The following ZNF615 variants were observed in gnomAD, a reference collection of about 807,000 sequenced individuals.
The protein encoded by ZNF615 is zinc finger protein 615.
In ZNF615, 15 loss-of-function variants were observed where a neutral mutation model predicts 15.3. The ratio of observed to expected loss-of-function variants is 0.98; its 90% CI spans 0.66 to 1.51. ZNF615 has a LOEUF of 1.51. ZNF615 is among the 40% of genes most tolerant of loss of function. ZNF615 has a pLI of 0.00. For synonymous variants in ZNF615, 268 were observed against 294.6 expected, an observed-to-expected ratio of 0.91 and a Z score of 0.92; for missense variants, 848 against 895.9, an observed-to-expected ratio of 0.95 and a Z score of 0.68.
In ZNF615 at chr19:51,993,558, A is replaced by G. The variant is rs368537377; in HGVS notation, c.1551T>C (p.His517=). ...CACATACATAGGGTTTTTCTCCAGTATGAGTTCGCTGATGCACAATAAGGC... is the reference window on the plus strand; with the variant it reads ...CACATACATAGGGTTTTTCTCCAGTGTGAGTTCGCTGATGCACAATAAGGC... ...KSRLIVHQRT[H]TGEKPYVCGE... The change falls in exon 7 of 7, where the codon CAT becomes CAC. Residue 517 remains histidine (H), a synonymous_variant. Coordinates refer to ENST00000598071, the MANE Select transcript of ZNF615 (RefSeq NM_001199324.2). 1 of 1,614,010 alleles carries G rather than the reference A, an allele frequency of 6.2e-7. No individual in the cohort carries two copies.
At position 51,993,393 on chromosome 19, in the gene ZNF615, A is replaced by G. The variant is rs905158019; in HGVS notation, c.1716T>C (p.Thr572=). 3 of 1,613,446 alleles carry G rather than the reference A, an allele frequency of 1.9e-6. No individual in the cohort carries two copies. Among genetic ancestry groups the G allele is most frequent in the Non-Finnish European group, 2.5e-6 (3 of 1,179,912 alleles). The change falls in exon 7 of 7, where the codon ACT becomes ACC. Residue 572 remains threonine, a synonymous_variant. Transcript: ENST00000598071. ...ATACATAGGGTTTCTCTCCTGTATG[A>G]GTGCGCCGATGTACATTGAGATGAC... ...EKSHLNVHRR[T]HTGEKPYVCS... is the part of the protein sequence containing the mutation.
rs1568500089 is a variant in ZNF615 at position 51,996,396 on chromosome 19, A to AC, written c.272-1560_272-1559insG. ...GCAAGACTCTGTCTCAAAAAAAAAA[A>AC]AAAAAAAAAAAACGCAAAACTATAT... On this transcript the variant is annotated intron_variant, in intron 6 of 6. Transcript: ENST00000598071. Among the ~76,000 whole-genome samples, 9 of 146,348 alleles carry AC rather than the reference A, an allele frequency of 6.1e-5. 1 individual carries two copies. The highest frequency in any genetic ancestry group is 1.2e-4 in the Non-Finnish European group (8 of 67,162).
intron 6 of ZNF615, among the ~76,000 whole-genome samples, chr19:51,997,699 C>G (rs2086481836): frequency 6.6e-6 from 1 of 152,122 alleles, no homozygotes; most frequent in African/African-American, 2.4e-5. Flanking sequence ...ATGCCTGAGG[C>G]CTTGGGTCAT....
At chr19:51,998,292 T>C (rs1013106721) in intron 6 of ZNF615, among the ~76,000 whole-genome samples, 1 of 152,156 alleles carries the variant, frequency 6.6e-6, no homozygotes, top group African/African-American at 2.4e-5. Context: ...TCAAGCTTCC[T>C]AGAAGTTCCT....
At position 51,993,426 on chromosome 19, in the gene ZNF615, A is replaced by C. The variant is rs762357823; in HGVS notation, c.1683T>G (p.Thr561=). The part of the protein sequence containing the change: ...YICNECGKGF[T]EKSHLNVHRR... ...GATGTACATTGAGATGACTCTTCTC[A>C]GTGAAGCCTTTTCCACACTCATTGC... is the stretch of plus-strand genomic sequence containing the variant. The change falls in exon 7 of 7, where the codon ACT becomes ACG. Residue 561 remains threonine (T), a synonymous_variant. Coordinates refer to ENST00000598071, the MANE Select transcript of ZNF615 (RefSeq NM_001199324.2). 4 of 1,613,932 alleles carry C rather than the reference A, an allele frequency of 2.5e-6. No homozygotes were observed. The East Asian group carries it at 8.9e-5, about 36-fold the overall frequency.
intron 4 of ZNF615, 36 bp downstream of exon 4, chr19:52,002,119 G>A (rs1460471249): frequency 6.2e-7 from 1 of 1,614,006 alleles, no homozygotes; most frequent in Non-Finnish European, 8.5e-7. Context: ...CCACTGACTG[G>A]GCACCCTCTG....
chr19:51,996,199 G>A (rs2086421729), intron 6 of ZNF615, among the ~76,000 whole-genome samples: 1 of 151,914 alleles, frequency 6.6e-6, no homozygotes, highest in African/African-American at 2.4e-5. Flanking sequence ...AGACCAGCCT[G>A]GCCAACATAG....
chr19:51,996,177 G>C (rs778432977), intron 6 of ZNF615, among the ~76,000 whole-genome samples: 25 of 151,960 alleles, frequency 1.6e-4, no homozygotes, highest in Non-Finnish European at 3.4e-4. Flanking sequence ...ATCACATGAG[G>C]CCAGGAGTTC....
Position 51,991,976 on chromosome 19 carries a change from CATCTT to C in ZNF615, c.*899_*903del, listed in dbSNP as rs2086246755. ...ATTTCAAAATAAAAACTTACAAAAA[CATCTT>C]ATTTATATTAATTTCATAACACCTG... On this transcript the variant is annotated 3_prime_UTR_variant, in exon 7 of 7. Transcript: ENST00000598071. 6.6e-6 allele frequency: 1 copy of C among 152,086 alleles called. No homozygotes were observed. The highest frequency in any genetic ancestry group is 1.5e-5 in the Non-Finnish European group (1 of 68,018). The allele number at this position is 152,086 out of a possible 1,614,324, so 9.4% of individuals were successfully genotyped here. A position where few individuals can be genotyped will look rare whatever the true frequency, so the allele number is the denominator to read the frequency against.
intron 2 of ZNF615, among the ~76,000 whole-genome samples, chr19:52,005,769 T>C (rs182823180): frequency 1.2e-3 from 179 of 152,344 alleles, no homozygotes; most frequent in Admixed American, 3.1e-3. Flanking sequence ...CACATTACAA[T>C]GGCAGAGTTG....
At position 51,993,401 on chromosome 19, in the gene ZNF615, G is replaced by A. The variant is rs972573339; in HGVS notation, c.1708C>T (p.Arg570Trp). Reference protein sequence around the residue: ...FTEKSHLNVHRRTHTGEKPYV... With the variant: ...FTEKSHLNVHWRTHTGEKPYV... ...GGTTTCTCTCCTGTATGAGTGCGCC[G>A]ATGTACATTGAGATGACTCTTCTCA... The change falls in exon 7 of 7, where the codon CGG (arginine) becomes TGG (tryptophan). Residue 570 changes from arginine to tryptophan, a missense_variant. By Grantham distance (101) the Arg-to-Trp change is moderately radical. Transcript: ENST00000598071. The A allele has an allele frequency of 2.0e-5, 33 of 1,613,900 alleles. No homozygotes were observed. The highest frequency in any genetic ancestry group is 8.9e-5 in the East Asian group (4 of 44,886).
chr19:52,002,233 A>C lies in ZNF615; in HGVS notation c.64T>G (p.Trp22Gly), dbSNP rs151323611. 62 of 1,613,880 alleles carry C rather than the reference A, an allele frequency of 3.8e-5. No individual in the cohort carries two copies. The highest frequency in any genetic ancestry group is 5.1e-5 in the Non-Finnish European group (60 of 1,180,000). The change falls in exon 4 of 7, where the codon TGG becomes GGG. Residue 22 changes from tryptophan (W) to glycine (G), a missense_variant. Physicochemically the swap from Trp to Gly is radical, Grantham distance 184. Transcript: ENST00000598071. ...DVAVDFTWEE[W>G]QFLSPAQKDL... is the part of the protein sequence containing the mutation. ...TTCTGAGCAGGGCTCAGGAACTGCC[A>C]CTCCTCCCAGGTGAAGTCCACAGCC...
chr19:51,994,398 G>C lies in ZNF615; in HGVS notation c.711C>G (p.His237Gln). 6.2e-7 allele frequency: 1 copy of C among 1,614,070 alleles called. No individual in the cohort carries two copies. Residue 237 changes from histidine to glutamine, a missense_variant, in exon 7 of 7, where the codon CAC (histidine) becomes CAG (glutamine). By Grantham distance (24) the His-to-Gln change is conservative. Transcript: ENST00000598071. ...TGCATACATGAGGTTTTTCTCCAGTGTGAACTCTCTGATGATCAATAAACT... is the reference window on the plus strand; with the variant it reads ...TGCATACATGAGGTTTTTCTCCAGTCTGAACTCTCTGATGATCAATAAACT... ...LSQFIDHQRV[H>Q]TGEKPHVCSM... is the part of the protein sequence containing the mutation.
intron 2 of ZNF615, among the ~76,000 whole-genome samples, chr19:52,006,863 T>C (rs935933095): frequency 5.9e-5 from 9 of 152,134 alleles, no homozygotes; most frequent in African/African-American, 1.4e-4. Flanking sequence ...AGAATTAAGA[T>C]GACCAAATAT....
In ZNF615 at chr19:51,993,337, T is replaced by C. The variant is rs138402736; in HGVS notation, c.1772A>G (p.Lys591Arg). The C allele has an allele frequency of 4.3e-5, 69 of 1,614,008 alleles. No homozygotes were observed. The highest frequency in any genetic ancestry group is 5.6e-5 in the Non-Finnish European group (66 of 1,180,024). ...TCGCTGATGTGCAATGAGCATGCTT[T>C]TCCCAGTTAAGCCTTTGCCACATTC... is the stretch of plus-strand genomic sequence containing the variant. ...CSECGKGLTG[K>R]SMLIAHQRTH... The change falls in exon 7 of 7, where the codon AAA becomes AGA. Residue 591 changes from lysine (K) to arginine (R), a missense_variant. By Grantham distance (26) the Lys-to-Arg change is conservative. Transcript: ENST00000598071.
chr19:52,001,846 T>C lies in ZNF615; in HGVS notation c.205A>G (p.Thr69Ala). The C allele has an allele frequency of 6.2e-7, 1 of 1,614,116 alleles. No individual in the cohort carries two copies. The highest frequency in any genetic ancestry group is 8.5e-7 in the Non-Finnish European group (1 of 1,180,012). Residue 69 changes from threonine (T) to alanine (A), a missense_variant, in exon 5 of 7, where the codon ACA (threonine) becomes GCA (alanine). Transcript: ENST00000598071. ...ATTCGAGAGTAGATTTCATCTTCTG[T>C]TGTGCAAGTTTCTTCTCCTCGTTCC... The part of the protein sequence containing the change: ...KLERGEETCT[T>A]EDEIYSRICS...
Position 51,993,895 on chromosome 19 carries a change from T to C in ZNF615, c.1214A>G (p.His405Arg). 4 of 1,614,100 alleles carry C rather than the reference T, an allele frequency of 2.5e-6. No individual in the cohort carries two copies. The highest frequency in any genetic ancestry group is 3.4e-6 in the Non-Finnish European group (4 of 1,179,912). Residue 405 changes from histidine (H) to arginine (R), a missense_variant, in exon 7 of 7, where the codon CAT (histidine) becomes CGT (arginine). Coordinates refer to ENST00000598071, the MANE Select transcript of ZNF615 (RefSeq NM_001199324.2). ...KNSLITHQQT[H>R]TGEKLYTCSE... ...ACATGTATATAATTTCTCTCCTGTA[T>C]GAGTTTGCTGATGTGTGATAAGACT...
At chr19:52,007,208 T>C in intron 2 of ZNF615, 85 bp downstream of exon 2, 1 of 704,518 alleles carries the variant, frequency 1.4e-6, no homozygotes, top group Non-Finnish European at 2.1e-6. Context: ...ATCTGAATTA[T>C]GAATATTAAG....
chr19:52,008,154 G>A lies in ZNF615; in HGVS notation c.-241C>T. On this transcript the variant is annotated 5_prime_UTR_variant, in exon 1 of 7. Transcript: ENST00000598071. Reference sequence around the variant, plus strand: ...GACTGAACTTACTTCCCAGAACTTGGTGGGCTCCGGCCTCATCTCTCGGCC... The same window carrying A: ...GACTGAACTTACTTCCCAGAACTTGATGGGCTCCGGCCTCATCTCTCGGCC... 1 of 1,535,540 alleles carries A rather than the reference G, an allele frequency of 6.5e-7. No individual in the cohort carries two copies. The highest frequency in any genetic ancestry group is 8.7e-7 in the Non-Finnish European group (1 of 1,146,786).
Sources: allele counts gnomAD v4.1 joint callset (sites outside exome capture counted in the v4.1 genomes callset), GRCh38; gene constraint gnomAD v4.1.1; transcripts MANE v1.5; gene names NCBI Gene and HGNC (gene_info 2026-07-23, HGNC 2026-07-21).